The following PRELID2 variants were observed in gnomAD, a reference collection of about 807,000 sequenced individuals.
PRELID2 encodes the protein PRELI domain containing 2.
Under a neutral mutation model 28.4 loss-of-function variants are expected in PRELID2, and 25 were observed. That is an observed-to-expected ratio of 0.88 (90% confidence interval 0.64 to 1.23). The LOEUF is 1.23. Among genes scored for constraint, PRELID2 ranks in the 50% most tolerant of loss-of-function variants. PRELID2 has a pLI of 0.00. For synonymous variants in PRELID2, 76 were observed against 71.6 expected (o/e 1.06, Z -0.31); for missense variants, 201 against 214.4 (o/e 0.94, Z 0.39).
At chr5:145,458,622 T>C in the PRELID2 span, among the ~76,000 whole-genome samples, 85 of 152,274 alleles carry the variant, frequency 5.6e-4, no homozygotes, top group African/African-American at 1.8e-3. Context: ...CTAGAATTCA[T>C]AGGACATCCT....
chr5:145,638,698 A>C (rs1754045247), intron 1 of PRELID2, among the ~76,000 whole-genome samples: 1 of 152,252 alleles, frequency 6.6e-6, no homozygotes, highest in African/African-American at 2.4e-5. Context: ...GACCAAAAAA[A>C]CAGAAAGATG....
chr5:145,619,176 C>T (rs1753740716), intron 1 of PRELID2, among the ~76,000 whole-genome samples: 1 of 152,168 alleles, frequency 6.6e-6, no homozygotes, highest in South Asian at 2.1e-4. Flanking sequence ...CAGATTGGTG[C>T]CCTCTCCCAA....
At chr5:145,320,171 T>G in the PRELID2 span, among the ~76,000 whole-genome samples, 1 of 152,250 alleles carries the variant, frequency 6.6e-6, no homozygotes, top group Non-Finnish European at 1.5e-5. Flanking sequence ...CTCATTGTAC[T>G]TTTAGTCAGG....
At chr5:145,719,737 T>C (rs1484649739) in intron 1 of PRELID2, among the ~76,000 whole-genome samples, 1 of 151,808 alleles carries the variant, frequency 6.6e-6, no homozygotes, top group African/African-American at 2.4e-5. Flanking sequence ...AAACCTAAAA[T>C]TGAAACATTC....
chr5:145,537,253 C>G (rs1005149581), intron 1 of PRELID2, among the ~76,000 whole-genome samples: 1 of 151,548 alleles, frequency 6.6e-6, no homozygotes, highest in African/African-American at 2.4e-5. Context: ...AGAAAGGGAA[C>G]CAAAAAATAT....
chr5:145,677,366 G>A (rs1012703548), intron 1 of PRELID2, among the ~76,000 whole-genome samples: 5 of 151,986 alleles, frequency 3.3e-5, no homozygotes, highest in Admixed American at 1.3e-4. Context: ...TGTTGGCCAG[G>A]CTGGTCTCCA....
At chr5:145,796,254 A>G (rs928528942) in intron 5 of PRELID2, 188 bp downstream of exon 5, 80 of 411,608 alleles carry the variant, frequency 1.9e-4, no homozygotes, top group Non-Finnish European at 4.3e-5. Context: ...TGAGCCATAA[A>G]TGCCACTTTA....
chr5:145,466,793 G>A, the PRELID2 span, among the ~76,000 whole-genome samples: 236 of 152,050 alleles, frequency 1.6e-3, 2 homozygotes, highest in Non-Finnish European at 2.6e-3. Flanking sequence ...TTTCAGGGCC[G>A]CCCAGGCCTT....
intron 1 of PRELID2, among the ~76,000 whole-genome samples, chr5:145,833,504 T>A (rs1240714375): frequency 6.6e-6 from 1 of 152,188 alleles, no homozygotes; most frequent in Non-Finnish European, 1.5e-5. Flanking sequence ...GGTCTGTAAA[T>A]CATTCTTTCA....
intron 1 of PRELID2, among the ~76,000 whole-genome samples, chr5:145,474,348 A>G (rs115955386): frequency 1.5e-3 from 221 of 152,342 alleles, no homozygotes; most frequent in African/African-American, 5.3e-3. Context: ...TTATAAAACT[A>G]GAAAAGACAA....
At chr5:145,392,050 G>T in the PRELID2 span, among the ~76,000 whole-genome samples, 1 of 151,970 alleles carries the variant, frequency 6.6e-6, no homozygotes, top group Admixed American at 6.6e-5. Context: ...CCTTCAAACT[G>T]TTCCGACCTC....
At chr5:145,451,680 CA>C in the PRELID2 span, among the ~76,000 whole-genome samples, 55 of 152,240 alleles carry the variant, frequency 3.6e-4, no homozygotes, top group African/African-American at 1.3e-3. Flanking sequence ...TTAAAATCTG[CA>C]GGGTTTGATA....
intron 1 of PRELID2, among the ~76,000 whole-genome samples, chr5:145,577,684 T>C (rs917779748): frequency 6.6e-6 from 1 of 152,074 alleles, no homozygotes; most frequent in African/African-American, 2.4e-5. Context: ...CTCCAATAGA[T>C]TCTATCCAAA....
the PRELID2 span, among the ~76,000 whole-genome samples, chr5:145,298,275 C>T: frequency 2.0e-5 from 3 of 152,172 alleles, no homozygotes; most frequent in Non-Finnish European, 4.4e-5. Flanking sequence ...AACAGAGATA[C>T]AGATCAATGG....
rs1408213977 is a variant in PRELID2 at position 145,741,750 on chromosome 5, A to G, written n.70+23181T>C. Among the ~76,000 whole-genome samples, 48 of 107,134 alleles carry G rather than the reference A, an allele frequency of 4.5e-4. 9 individuals carry two copies. The highest frequency in any genetic ancestry group is 6.7e-4 in the Non-Finnish European group (40 of 59,788). The allele number at this position is 107,134 out of a possible 152,430, so 70.3% of individuals were successfully genotyped here. On this transcript the variant is annotated intron_variant and non_coding_transcript_variant, in intron 1 of 2. Coordinates refer to the PRELID2 transcript ENST00000510259. ...ATTTATTTATAAATAATTTATTTAT[A>G]TATTAATTTATTTATATATAAATAA...
At chr5:145,313,357 G>C in the PRELID2 span, among the ~76,000 whole-genome samples, 1 of 152,156 alleles carries the variant, frequency 6.6e-6, no homozygotes, top group East Asian at 1.9e-4. Context: ...CAATATGTTT[G>C]CCTTCTTAAT....
At chr5:145,293,628 T>C in the PRELID2 span, among the ~76,000 whole-genome samples, 1 of 152,314 alleles carries the variant, frequency 6.6e-6, no homozygotes, top group Admixed American at 6.5e-5. Flanking sequence ...TGAATATGCG[T>C]AGATATTAAG....
the PRELID2 span, among the ~76,000 whole-genome samples, chr5:145,296,879 T>C: frequency 9.2e-5 from 14 of 152,162 alleles, no homozygotes; most frequent in African/African-American, 1.4e-4. Flanking sequence ...TTAATGATTG[T>C]CATTCTAACT....
At chr5:145,812,265 G>GA (rs1019484719) in intron 4 of PRELID2, among the ~76,000 whole-genome samples, 1,474 of 144,384 alleles carry the variant, frequency 0.01, 25 homozygotes, top group African/African-American at 0.028. Context: ...ATCCAAACTT[G>GA]AAAAAAAAAA....
Sources: gnomAD v4.1 joint callset for allele counts (sites outside exome capture counted in the v4.1 genomes callset) on GRCh38, gnomAD v4.1.1 for gene constraint, MANE v1.5 for transcripts, NCBI Gene and HGNC (gene_info 2026-07-23, HGNC 2026-07-21) for gene names.